The following CNTNAP5 variants were observed in gnomAD, a reference collection of about 807,000 sequenced individuals.
CNTNAP5 encodes the protein contactin-associated protein-like 5.
In CNTNAP5, 72 loss-of-function variants were observed where a neutral mutation model predicts 150.2. The observed-to-expected ratio is 0.48, with a 90% CI of 0.40 to 0.58. CNTNAP5 has a LOEUF of 0.58. Ranked by LOEUF, CNTNAP5 falls within the 20% of genes least tolerant of loss-of-function variation. The probability of loss-of-function intolerance (pLI) is 0.00; values close to 1 mark genes in which losing one functional copy is unlikely to be tolerated. For synonymous variants in CNTNAP5, 672 were observed against 619.8 expected (o/e 1.08, Z -1.25); for missense variants, 1,636 against 1,626.2 (o/e 1.01, Z -0.10).
intron 1 of CNTNAP5, among the ~76,000 whole-genome samples, chr2:124,052,127 A>C (rs915572918): frequency 6.6e-6 from 1 of 152,196 alleles, no homozygotes; most frequent in Non-Finnish European, 1.5e-5. Flanking sequence ...TACCTATTTT[A>C]TCCTGGAGTG....
intron 1 of CNTNAP5, among the ~76,000 whole-genome samples, chr2:124,203,004 A>G (rs939146645): frequency 2.6e-5 from 4 of 152,148 alleles, no homozygotes; most frequent in African/African-American, 9.7e-5. Flanking sequence ...TAATTTCAGC[A>G]TGATCTCAAA....
At chr2:124,396,160 T>G (rs1691238210) in intron 3 of CNTNAP5, among the ~76,000 whole-genome samples, 1 of 152,212 alleles carries the variant, frequency 6.6e-6, no homozygotes, top group South Asian at 2.1e-4. Flanking sequence ...GAACTCCATA[T>G]GCCTGTCTGG....
chr2:124,247,370 A>G (rs1264510970), intron 3 of CNTNAP5, among the ~76,000 whole-genome samples: 2 of 151,266 alleles, frequency 1.3e-5, no homozygotes, highest in Non-Finnish European at 3.0e-5. Context: ...GGTGTGCAGA[A>G]CCATTAAGGA....
intron 3 of CNTNAP5, among the ~76,000 whole-genome samples, chr2:124,306,520 C>T (rs894914855): frequency 6.6e-6 from 1 of 152,118 alleles, no homozygotes; most frequent in Non-Finnish European, 1.5e-5. Context: ...CCCACACACA[C>T]ACTCCTGACA....
At chr2:124,312,709 T>C (rs574970122) in intron 3 of CNTNAP5, among the ~76,000 whole-genome samples, 39 of 152,342 alleles carry the variant, frequency 2.6e-4, no homozygotes, top group African/African-American at 9.1e-4. Context: ...TAGCTGGGAC[T>C]ACAGGCGCTC....
intron 3 of CNTNAP5, among the ~76,000 whole-genome samples, chr2:124,317,916 A>G (rs1395099235): frequency 6.6e-6 from 1 of 152,218 alleles, no homozygotes; most frequent in Non-Finnish European, 1.5e-5. Flanking sequence ...AGACACAGAT[A>G]AGCAGAGACA....
chr2:124,805,912 A>G (rs1217098671), intron 19 of CNTNAP5, among the ~76,000 whole-genome samples: 1 of 152,162 alleles, frequency 6.6e-6, no homozygotes, highest in Non-Finnish European at 1.5e-5. Flanking sequence ...CACTAATCCT[A>G]TAGGATGAGA....
chr2:124,594,376 T>C (rs1242635273), intron 11 of CNTNAP5, among the ~76,000 whole-genome samples: 42 of 151,530 alleles, frequency 2.8e-4, no homozygotes, highest in African/African-American at 4.1e-4. Context: ...TTTCCCAGCA[T>C]CGTTTATTAA....
intron 1 of CNTNAP5, among the ~76,000 whole-genome samples, chr2:124,073,714 A>G (rs1682368465): frequency 6.6e-6 from 1 of 152,148 alleles, no homozygotes; most frequent in Non-Finnish European, 1.5e-5. Flanking sequence ...TGTGGAGAAA[A>G]GGGAACGCTT....
intron 19 of CNTNAP5, among the ~76,000 whole-genome samples, chr2:124,805,473 C>T (rs1357242049): frequency 6.6e-6 from 1 of 152,188 alleles, no homozygotes; most frequent in African/African-American, 2.4e-5. Flanking sequence ...TCAACCCCAA[C>T]AACTTTGGCT....
intron 1 of CNTNAP5, among the ~76,000 whole-genome samples, chr2:124,211,957 A>G (rs1290784306): frequency 2.0e-5 from 3 of 152,240 alleles, no homozygotes; most frequent in Non-Finnish European, 4.4e-5. Context: ...GATCATGATT[A>G]GCTGTTGGAA....
intron 1 of CNTNAP5, among the ~76,000 whole-genome samples, chr2:124,204,773 C>T (rs1199003876): frequency 6.6e-6 from 1 of 151,936 alleles, no homozygotes; most frequent in Non-Finnish European, 1.5e-5. Context: ...GAAAATCCCA[C>T]CCCCACCATT....
chr2:124,790,966 G>A (rs552028805), intron 18 of CNTNAP5, among the ~76,000 whole-genome samples: 3 of 152,078 alleles, frequency 2.0e-5, no homozygotes, highest in East Asian at 1.9e-4. Context: ...TTTTAAAGAC[G>A]GAAAAAGTTT....
intron 1 of CNTNAP5, among the ~76,000 whole-genome samples, chr2:124,040,174 G>A (rs1350390263): frequency 6.6e-6 from 1 of 152,088 alleles, no homozygotes. Context: ...ATCATTCTTT[G>A]CATTCTGATT....
intron 13 of CNTNAP5, among the ~76,000 whole-genome samples, chr2:124,733,144 C>G (rs1439551964): frequency 6.6e-6 from 1 of 151,876 alleles, no homozygotes; most frequent in Non-Finnish European, 1.5e-5. Context: ...TGTGTATATT[C>G]TAAACACACA....
intron 3 of CNTNAP5, among the ~76,000 whole-genome samples, chr2:124,414,953 C>T (rs557112435): frequency 6.6e-6 from 1 of 152,246 alleles, no homozygotes; most frequent in Admixed American, 6.5e-5. Flanking sequence ...AAACATGACA[C>T]ACTTTTACTC....
intron 11 of CNTNAP5, among the ~76,000 whole-genome samples, chr2:124,595,009 G>A (rs1198639023): frequency 5.1e-5 from 7 of 136,148 alleles, no homozygotes; most frequent in African/African-American, 1.9e-4. Flanking sequence ...CTTTGCTGAA[G>A]TTGCTTATCA....
intron 12 of CNTNAP5, among the ~76,000 whole-genome samples, chr2:124,645,876 A>G (rs1301940737): frequency 6.6e-6 from 1 of 152,094 alleles, no homozygotes; most frequent in African/African-American, 2.4e-5. Context: ...GTGAAGAGGG[A>G]GCAGGCAGTT....
chr2:124,798,005 C>T (rs1270595635), intron 18 of CNTNAP5, 91 bp from the exon 19 acceptor site: 1 of 841,966 alleles, frequency 1.2e-6, no homozygotes. Context: ...ACACAGTGCC[C>T]AGTGCATAGG....
Sources: allele counts gnomAD v4.1 joint callset (sites outside exome capture counted in the v4.1 genomes callset), GRCh38; gene constraint gnomAD v4.1.1; transcripts MANE v1.5; gene names NCBI Gene and HGNC (gene_info 2026-07-23, HGNC 2026-07-21).